Variants in MACROD2 observed in about 807,000 individuals in gnomAD.
MACROD2 encodes mono-ADP ribosylhydrolase 2, also known as ADP-ribose glycohydrolase MACROD2.
MACROD2 carries 36 observed loss-of-function variants against 70.4 expected under a neutral mutation model. The ratio of observed to expected loss-of-function variants is 0.51; its 90% CI spans 0.39 to 0.68. The LOEUF is 0.68. MACROD2 is among the 30% of genes least tolerant of loss of function. MACROD2 has a pLI of 0.00. For synonymous variants in MACROD2, 172 were observed against 178.8 expected (o/e 0.96, Z 0.30); for missense variants, 496 against 538.4 (o/e 0.92, Z 0.78).
intron 3 of MACROD2, among the ~76,000 whole-genome samples, chr20:14,353,505 A>T (rs2083143933): frequency 6.6e-6 from 1 of 152,078 alleles, no homozygotes; most frequent in Non-Finnish European, 1.5e-5. Context: ...TATACTAGAT[A>T]TTGCAAAATT....
intron 15 of MACROD2, among the ~76,000 whole-genome samples, chr20:16,000,241 T>C (rs1321257466): frequency 6.6e-6 from 1 of 152,236 alleles, no homozygotes; most frequent in Admixed American, 6.5e-5. Flanking sequence ...AACTCTCAAA[T>C]TATGAATCTT....
chr20:14,103,996 A>T (rs1257416697), intron 3 of MACROD2, among the ~76,000 whole-genome samples: 1 of 152,200 alleles, frequency 6.6e-6, no homozygotes, highest in Non-Finnish European at 1.5e-5. Context: ...AGGTACACAC[A>T]GACACACATA....
chr20:15,533,245 A>G (rs1192609138), intron 8 of MACROD2, among the ~76,000 whole-genome samples: 1 of 152,194 alleles, frequency 6.6e-6, no homozygotes, highest in Non-Finnish European at 1.5e-5. Context: ...GCCAGAATAA[A>G]ATGGTATTTT....
intron 5 of MACROD2, among the ~76,000 whole-genome samples, chr20:14,861,848 G>A (rs2073321458): frequency 6.8e-6 from 1 of 146,438 alleles, no homozygotes; most frequent in Admixed American, 7.2e-5. Context: ...CTCTCCTGCT[G>A]CTGGCCAAGC....
intron 6 of MACROD2, among the ~76,000 whole-genome samples, chr20:15,307,316 A>G (rs1026300047): frequency 6.6e-6 from 1 of 152,190 alleles, no homozygotes; most frequent in African/African-American, 2.4e-5. Flanking sequence ...CCACCAGAGG[A>G]TAAGGCTTGG....
At chr20:14,860,542 C>G (rs138417599) in intron 5 of MACROD2, among the ~76,000 whole-genome samples, 2 of 152,256 alleles carry the variant, frequency 1.3e-5, no homozygotes, top group African/African-American at 4.8e-5. Context: ...TCTCTGTGAT[C>G]TGGGACTCCT....
At chr20:14,915,767 G>T (rs533286847) in intron 5 of MACROD2, among the ~76,000 whole-genome samples, 1 of 152,128 alleles carries the variant, frequency 6.6e-6, no homozygotes, top group Non-Finnish European at 1.5e-5. Context: ...TCCACAGCAC[G>T]GTTGACAAAA....
At chr20:14,749,373 A>G (rs998972742) in intron 5 of MACROD2, among the ~76,000 whole-genome samples, 6 of 151,984 alleles carry the variant, frequency 3.9e-5, no homozygotes, top group African/African-American at 1.5e-4. Context: ...ATTTCCTAAT[A>G]TACTAAAAAG....
chr20:14,963,970 A>G (rs2074607733), intron 5 of MACROD2, among the ~76,000 whole-genome samples: 1 of 152,156 alleles, frequency 6.6e-6, no homozygotes, highest in Admixed American at 6.5e-5. Context: ...TTTTGCATTC[A>G]TAGTAATTCC....
chr20:15,973,330 A>G (rs78090211), intron 13 of MACROD2, among the ~76,000 whole-genome samples: 1,785 of 152,298 alleles, frequency 0.012, 32 homozygotes, highest in African/African-American at 0.04. Context: ...TTGTAAAACT[A>G]GATTATAGCT....
chr20:16,014,214 C>G (rs2066900741), intron 15 of MACROD2, among the ~76,000 whole-genome samples: 1 of 152,188 alleles, frequency 6.6e-6, no homozygotes, highest in South Asian at 2.1e-4. Context: ...TTCAAATAGA[C>G]TAGGTGAAAA....
At chr20:14,646,732 T>C (rs901112579) in intron 4 of MACROD2, among the ~76,000 whole-genome samples, 4 of 152,154 alleles carry the variant, frequency 2.6e-5, no homozygotes, top group African/African-American at 9.6e-5. Context: ...CATTGTTTCA[T>C]GAAAAGTAAC....
chr20:15,242,876 A>G (rs1438083408), intron 6 of MACROD2, among the ~76,000 whole-genome samples: 1 of 152,212 alleles, frequency 6.6e-6, no homozygotes, highest in African/African-American at 2.4e-5. Context: ...GGACGCTAAT[A>G]TGGAAATGTT....
rs146901902 is a variant in MACROD2, at chr20:15,211,196, A to G, written c.419-18744A>G. On this transcript the variant is annotated intron_variant, in intron 5 of 17. Transcript: ENST00000684519. ...TCTTATATAAATGGAATTATATACT[A>G]TATTCTCTTTTGTCTCTGTTTTCCT... 2.9e-3 allele frequency among the ~76,000 whole-genome samples: 445 copies of G among 152,252 alleles called. 15 individuals are homozygous for G. Among genetic ancestry groups the G allele is most frequent in the Admixed American group, 0.028 (423 of 15,296 alleles).
intron 13 of MACROD2, among the ~76,000 whole-genome samples, chr20:15,971,743 A>G (rs1185479860): frequency 6.6e-6 from 1 of 152,036 alleles, no homozygotes; most frequent in African/African-American, 2.4e-5. Context: ...TCTCTGAATA[A>G]TAAACTGTCC....
At chr20:15,440,115 T>G (rs1434692003) in intron 7 of MACROD2, among the ~76,000 whole-genome samples, 1 of 152,174 alleles carries the variant, frequency 6.6e-6, no homozygotes, top group Non-Finnish European at 1.5e-5. Context: ...TTTAGTCAAT[T>G]TTATGAGAGT....
chr20:14,903,614 T>C (rs1024403281), intron 5 of MACROD2, among the ~76,000 whole-genome samples: 4 of 152,106 alleles, frequency 2.6e-5, no homozygotes, highest in African/African-American at 9.7e-5. Context: ...TTGCTGAACC[T>C]GGGAGCACTT....
chr20:14,382,060 ATT>A (rs11475740), intron 3 of MACROD2, among the ~76,000 whole-genome samples: 448 of 122,440 alleles, frequency 3.7e-3, no homozygotes, highest in Middle Eastern at 4.1e-3. Context: ...AATGGGATTG[ATT>A]TTTTTTTTTT....
intron 5 of MACROD2, among the ~76,000 whole-genome samples, chr20:14,902,385 G>T (rs2122554662): frequency 6.6e-6 from 1 of 152,306 alleles, no homozygotes; most frequent in East Asian, 1.9e-4. Context: ...TCCTTGCCTT[G>T]CTGATGCAAA....
Sources: gnomAD v4.1 joint callset for allele counts (sites outside exome capture counted in the v4.1 genomes callset) on GRCh38, gnomAD v4.1.1 for gene constraint, MANE v1.5 for transcripts, NCBI Gene and HGNC (gene_info 2026-07-23, HGNC 2026-07-21) for gene names.